ABCA4: variants seen among roughly 807,000 people sequenced by gnomAD.
ABCA4 encodes retinal-specific phospholipid-transporting ATPase ABCA4.
In ABCA4, 196 loss-of-function variants were observed where a neutral mutation model predicts 263.7. The observed-to-expected ratio is 0.74, with a 90% CI of 0.66 to 0.84. The LOEUF (loss-of-function observed/expected upper bound fraction) is 0.84, where lower values mean the gene tolerates loss of function less well. Ranked by LOEUF, ABCA4 falls within the 40% of genes least tolerant of loss-of-function variation. The probability of loss-of-function intolerance (pLI) is 0.00; values close to 1 mark genes in which losing one functional copy is unlikely to be tolerated. For missense variants in ABCA4, 2,792 were observed against 2,855.1 expected (o/e 0.98, Z 0.50); for synonymous variants, 1,133 against 1,094.2 (o/e 1.04, Z -0.70).
chr1:94,002,844 A>G (rs1659230772), intron 44 of ABCA4, among the ~76,000 whole-genome samples: 1 of 152,062 alleles, frequency 6.6e-6, no homozygotes, highest in South Asian at 2.1e-4. Flanking sequence ...TGTACTGGAT[A>G]TTTTACCTAT....
At chr1:94,000,791 G>T (rs774390649) in intron 47 of ABCA4, 45 bp downstream of exon 47, 4 of 1,582,180 alleles carry the variant, frequency 2.5e-6, no homozygotes, top group Non-Finnish European at 3.5e-6. Flanking sequence ...GGATCCAGGT[G>T]GATCCACAGA....
chr1:94,058,953 C>G (rs935523907), intron 14 of ABCA4, among the ~76,000 whole-genome samples: 5 of 152,152 alleles, frequency 3.3e-5, no homozygotes, highest in African/African-American at 1.2e-4. Flanking sequence ...AAAGGAAAAC[C>G]CTGTTTTGGT....
chr1:94,006,392 C>A (rs4147861), intron 43 of ABCA4, among the ~76,000 whole-genome samples: 9,342 of 152,296 alleles, frequency 0.061, 294 homozygotes, highest in East Asian at 0.09. Context: ...CCTATAGTTT[C>A]TTTCTAGCGT....
intron 11 of ABCA4, 44 bp downstream of exon 11, chr1:94,077,646 G>A (rs772292414): frequency 6.4e-6 from 10 of 1,553,248 alleles, no homozygotes; most frequent in South Asian, 1.2e-5. Context: ...CCCACTCATG[G>A]GGCTATCTTC....
intron 1 of ABCA4, 93 bp downstream of exon 1, chr1:94,120,887 G>GGCCCCCCCCCC: frequency 1.5e-5 from 5 of 339,360 alleles, no homozygotes; most frequent in South Asian, 3.0e-5. Flanking sequence ...CCCCCACCCT[G>GGCCCCCCCCCC]CCCCACCACC....
chr1:94,077,677 T>C lies in ABCA4; in HGVS notation c.1554+13A>G. On this transcript the variant is annotated intron_variant, in intron 11 of 49. Transcript: ENST00000370225. ...TCTTCAAGGGGCCCACTGTGGGGCT[T>C]GCAGCCCCTTACCTCCAGGTATTGA... 2 of 1,603,392 alleles carry C rather than the reference T, an allele frequency of 1.2e-6. No individual in the cohort carries two copies. The highest frequency in any genetic ancestry group is 1.1e-5 in the South Asian group (1 of 89,720).
In ABCA4 at chr1:94,115,678, A is replaced by T. The variant is rs529674285; in HGVS notation, c.67-2612T>A. Reference sequence around the variant, plus strand: ...GTGAAATGAGACAATTGTGTTAAACACGAAAGCACAATATGGCATGAGGTA... The same window carrying T: ...GTGAAATGAGACAATTGTGTTAAACTCGAAAGCACAATATGGCATGAGGTA... On this transcript the variant is annotated intron_variant, in intron 1 of 49. Coordinates refer to ENST00000370225, the MANE Select transcript of ABCA4 (RefSeq NM_000350.3). Among the ~76,000 whole-genome samples, 14 of 151,686 alleles carry T rather than the reference A, an allele frequency of 9.2e-5. No homozygotes were observed. The East Asian group carries it at 2.7e-3, about 29-fold the overall frequency.
At chr1:94,065,469 A>G (rs1661245792) in intron 11 of ABCA4, among the ~76,000 whole-genome samples, 1 of 152,164 alleles carries the variant, frequency 6.6e-6, no homozygotes, top group Non-Finnish European at 1.5e-5. Context: ...GGCAATCCCA[A>G]TTCATTCGCC....
chr1:94,023,395 T>C lies in ABCA4; in HGVS notation c.4658A>G (p.Asn1553Ser). 1.9e-6 allele frequency: 3 copies of C among 1,609,138 alleles called. No homozygotes were observed. Among genetic ancestry groups the C allele is most frequent in the Non-Finnish European group, 2.6e-6 (3 of 1,175,606 alleles). Residue 1553 changes from asparagine (N) to serine (S), a missense_variant, in exon 32 of 50, where the codon AAT becomes AGT. Asn to Ser is a conservative substitution (Grantham distance 46). Transcript: ENST00000370225. ...AAAAATAGTTTCTTACCTCTGTTCA[T>C]TGACCCAGAATTTGCTCTTTAAGCT... ...RSSLKSKFWV[N>S]EQRYGGISIG...
At chr1:94,094,371 C>A (rs1359511555) in intron 6 of ABCA4, among the ~76,000 whole-genome samples, 1 of 152,130 alleles carries the variant, frequency 6.6e-6, no homozygotes, top group Non-Finnish European at 1.5e-5. Flanking sequence ...AGATTGGGCC[C>A]TTTTCTTCCT....
intron 6 of ABCA4, among the ~76,000 whole-genome samples, chr1:94,084,977 G>A (rs1661793478): frequency 6.6e-6 from 1 of 152,180 alleles, no homozygotes; most frequent in South Asian, 2.1e-4. Flanking sequence ...GATTATTAGA[G>A]ATGAAAAGAG....
chr1:94,087,521 C>G (rs968025018), intron 6 of ABCA4, among the ~76,000 whole-genome samples: 4 of 152,196 alleles, frequency 2.6e-5, no homozygotes, highest in African/African-American at 9.6e-5. Flanking sequence ...GTAGGCCCCT[C>G]TGCCCTTTGC....
intron 6 of ABCA4, among the ~76,000 whole-genome samples, chr1:94,090,357 T>TAA (rs200087268): frequency 5.0e-5 from 7 of 140,528 alleles, no homozygotes; most frequent in Admixed American, 7.1e-5. Flanking sequence ...TGGAGCCAAT[T>TAA]AAAAAAAAAA....
intron 44 of ABCA4, 134 bp from the exon 45 acceptor site, chr1:94,002,126 T>A: frequency 7.4e-7 from 1 of 1,358,066 alleles, no homozygotes; most frequent in Non-Finnish European, 1.0e-6. Flanking sequence ...AGGCTCCTGC[T>A]GGCTCCTGTC....
chr1:94,097,721 A>G (rs1001293815), intron 6 of ABCA4, among the ~76,000 whole-genome samples: 1 of 151,908 alleles, frequency 6.6e-6, no homozygotes, highest in East Asian at 1.9e-4. Flanking sequence ...TCTTTTACCA[A>G]CTTCTCTGAT....
At chr1:94,102,323 G>A (rs1329742145) in intron 5 of ABCA4, among the ~76,000 whole-genome samples, 2 of 152,016 alleles carry the variant, frequency 1.3e-5, no homozygotes, top group Non-Finnish European at 2.9e-5. Flanking sequence ...GCAGAAGTGG[G>A]CTCTTCTGCA....
intron 13 of ABCA4, among the ~76,000 whole-genome samples, chr1:94,061,605 C>T (rs1379378212): frequency 1.3e-5 from 2 of 152,178 alleles, no homozygotes; most frequent in African/African-American, 4.8e-5. Flanking sequence ...TGGGACTAGC[C>T]ACCAGAGGAC....
chr1:94,106,629 G>A (rs1051202761), intron 4 of ABCA4, among the ~76,000 whole-genome samples: 2 of 152,256 alleles, frequency 1.3e-5, no homozygotes, highest in African/African-American at 2.4e-5. Flanking sequence ...AAAGAATGGA[G>A]TGTTTGTAAT....
At chr1:94,000,129 A>C (rs1416104060) in intron 47 of ABCA4, among the ~76,000 whole-genome samples, 1 of 152,220 alleles carries the variant, frequency 6.6e-6, no homozygotes, top group African/African-American at 2.4e-5. Flanking sequence ...CCCACCAACC[A>C]GCTTAGTGAC....
Sources: gnomAD v4.1 joint callset for allele counts (sites outside exome capture counted in the v4.1 genomes callset) on GRCh38, gnomAD v4.1.1 for gene constraint, MANE v1.5 for transcripts, NCBI Gene and HGNC (gene_info 2026-07-23, HGNC 2026-07-21) for gene names.